The following WDR45B variants were observed in gnomAD, a reference collection of about 807,000 sequenced individuals.
WDR45B encodes WD repeat domain 45B.
WDR45B carries 20 observed loss-of-function variants against 44.6 expected under a neutral mutation model. The observed-to-expected ratio is 0.45, with a 90% confidence interval of 0.32 to 0.65. The LOEUF (loss-of-function observed/expected upper bound fraction) is 0.65, where lower values mean the gene tolerates loss of function less well. WDR45B is among the 30% of genes least tolerant of loss of function. The pLI, the probability that WDR45B is intolerant of heterozygous loss-of-function variation, is 0.05. For synonymous variants in WDR45B, 169 were observed against 164.9 expected, an observed-to-expected ratio of 1.02 and a Z score of -0.19; for missense variants, 323 against 430.2, an observed-to-expected ratio of 0.75 and a Z score of 2.20.
chr17:82,629,540 T>C, intron 3 of WDR45B: 1 of 985,514 alleles, frequency 1.0e-6, no homozygotes, highest in Non-Finnish European at 1.2e-6. Context: ...CCTTGTGAGA[T>C]TACAGAACCG....
chr17:82,630,887 T>G (rs12600791), intron 3 of WDR45B, 34 bp downstream of exon 3: 102,589 of 1,585,844 alleles, frequency 0.065, 3,827 homozygotes, highest in Middle Eastern at 0.16. Context: ...GTGGGACACG[T>G]GAGGCATGAT....
intron 2 of WDR45B, among the ~76,000 whole-genome samples, chr17:82,637,292 A>C (rs963129364): frequency 1.3e-5 from 2 of 152,014 alleles, no homozygotes; most frequent in African/African-American, 4.8e-5. Context: ...GTAGGACACA[A>C]AACAGGCTCC....
intron 4 of WDR45B, 163 bp downstream of exon 4, chr17:82,627,041 C>A: frequency 1.4e-6 from 1 of 718,560 alleles, no homozygotes; most frequent in South Asian, 1.5e-5. Flanking sequence ...GCCTTTCTTG[C>A]AGCAATATAA....
At chr17:82,630,890 G>A in intron 3 of WDR45B, 31 bp downstream of exon 3, 1 of 1,589,454 alleles carries the variant, frequency 6.3e-7, no homozygotes, top group Non-Finnish European at 8.6e-7. Flanking sequence ...GGACACGTGA[G>A]GCATGATTCT....
intron 2 of WDR45B, among the ~76,000 whole-genome samples, chr17:82,634,989 G>A (rs2045815092): frequency 6.6e-6 from 1 of 152,034 alleles, no homozygotes; most frequent in African/African-American, 2.4e-5. Context: ...CATGGAGACA[G>A]AAAAGTAGCA....
chr17:82,616,138 A>G (rs2045531294), intron 9 of WDR45B, 113 bp from the exon 10 acceptor site: 1 of 996,678 alleles, frequency 1.0e-6, no homozygotes, highest in African/African-American at 1.6e-5. Flanking sequence ...AGCTGCTCTG[A>G]AAGCCCTGAA....
rs567925615 is a variant in WDR45B, at chr17:82,636,665, G to A, written c.143-5643C>T. The A allele has an allele frequency of 6.2e-4, 94 of 152,110 alleles. 3 individuals are homozygous for A. The highest frequency in any genetic ancestry group is 2.1e-3 in the African/African-American group (88 of 41,384). 9.4% of individuals were successfully genotyped at this position (152,110 alleles called of 1,614,324 possible). ...AATGTAAGATACAATAAATCTTTCTGAGTTTCTCTTCAAAGGGTTTATTTA... is the reference window on the plus strand; with the variant it reads ...AATGTAAGATACAATAAATCTTTCTAAGTTTCTCTTCAAAGGGTTTATTTA... On this transcript the variant is annotated intron_variant, in intron 2 of 9. Transcript: ENST00000392325.
chr17:82,645,170 C>T (rs936554098), intron 1 of WDR45B, among the ~76,000 whole-genome samples: 1 of 151,886 alleles, frequency 6.6e-6, no homozygotes, highest in South Asian at 2.1e-4. Context: ...TGGTGGTGAG[C>T]GCCTGTAATC....
Position 82,629,522 on chromosome 17 carries a change from C to T in WDR45B, c.244+1399G>A, listed in dbSNP as rs190011746. 1.5e-4 allele frequency: 148 copies of T among 985,512 alleles called. 2 individuals carry two copies. In the African/African-American group the frequency reaches 2.5e-3, roughly 17 times the overall value. 61.0% of individuals were successfully genotyped at this position (985,512 alleles called of 1,614,324 possible). A position where few individuals can be genotyped will look rare whatever the true frequency, so the allele number is the denominator to read the frequency against. ...TCTCAACTCTGCTTTAAAGCTGGCA[C>T]AGACAAACCTTGTGAGATTACAGAA... is the stretch of plus-strand genomic sequence containing the variant. On this transcript the variant is annotated intron_variant, in intron 3 of 9. Transcript: ENST00000392325.
intron 5 of WDR45B, among the ~76,000 whole-genome samples, chr17:82,622,653 C>T (rs2045634464): frequency 6.6e-6 from 1 of 152,120 alleles, no homozygotes; most frequent in Non-Finnish European, 1.5e-5. Flanking sequence ...AGGATGGTCT[C>T]AATCTCCTGA....
At position 82,615,590 on chromosome 17, in the gene WDR45B, G is replaced by C. The variant is rs113693233; in HGVS notation, c.*329C>G. On this transcript the variant is annotated 3_prime_UTR_variant, in exon 10 of 10. Coordinates refer to ENST00000392325, the MANE Select transcript of WDR45B (RefSeq NM_019613.4). ...TGAACTCGTCCACCCTCTCAGCCCA[G>C]TCCCCAGGTCCGTATGGAGCCCCCG... 4.7e-5 allele frequency: 19 copies of C among 405,884 alleles called. 1 individual carries two copies. Among genetic ancestry groups the C allele is most frequent in the South Asian group, 4.5e-4 (19 of 42,434 alleles). The allele number at this position is 405,884 out of a possible 1,614,324, so 25.1% of individuals were successfully genotyped here. A position where few individuals can be genotyped will look rare whatever the true frequency, so the allele number is the denominator to read the frequency against.
chr17:82,648,130 G>A (rs578236169), intron 1 of WDR45B, 144 bp downstream of exon 1: 6 of 941,546 alleles, frequency 6.4e-6, no homozygotes, highest in South Asian at 1.9e-5. Context: ...GGGGCCGGGG[G>A]CTTCGGAGGG....
intron 6 of WDR45B, among the ~76,000 whole-genome samples, chr17:82,619,922 C>T (rs568763943): frequency 3.9e-4 from 59 of 152,220 alleles, no homozygotes; most frequent in African/African-American, 1.3e-3. Flanking sequence ...CTGGCTAACC[C>T]GGAGGGCACC....
At position 82,643,922 on chromosome 17, in the gene WDR45B, A is replaced by C. The variant is rs376476860; in HGVS notation, c.142+27T>G. The C allele has an allele frequency of 1.8e-4, 291 of 1,610,810 alleles. 1 individual carries two copies. In the African/African-American group the frequency reaches 3.5e-3, roughly 20 times the overall value. ...ACTCCGAGGGTTGGAAAGGGGAGAA[A>C]CCAGAAAATGTCCCGTTAATTCTTA... On this transcript the variant is annotated intron_variant, in intron 2 of 9. Transcript: ENST00000392325.
At chr17:82,627,049 T>G in intron 4 of WDR45B, 155 bp downstream of exon 4, 1 of 743,780 alleles carries the variant, frequency 1.3e-6, no homozygotes, top group Non-Finnish European at 2.4e-6. Flanking sequence ...TGCAGCAATA[T>G]AAATAATCCT....
intron 9 of WDR45B, 131 bp downstream of exon 9, chr17:82,616,393 T>C (rs2045535550): frequency 1.4e-6 from 2 of 1,430,048 alleles, no homozygotes; most frequent in South Asian, 2.3e-5. Flanking sequence ...ACAGGAGAAA[T>C]AAGGGGAACT....
chr17:82,625,588 A>G (rs1355252189), intron 4 of WDR45B, 105 bp from the exon 5 acceptor site: 11 of 1,145,048 alleles, frequency 9.6e-6, no homozygotes. Flanking sequence ...TGAAAATACC[A>G]CACAGAAAAG....
At chr17:82,644,111 C>A in intron 1 of WDR45B, 88 bp from the exon 2 acceptor site, 1 of 1,265,882 alleles carries the variant, frequency 7.9e-7, no homozygotes, top group South Asian at 1.2e-5. Context: ...CTACTGAGAA[C>A]TCTTGCAGAT....
intron 2 of WDR45B, among the ~76,000 whole-genome samples, chr17:82,643,425 C>A (rs978030374): frequency 6.6e-6 from 1 of 151,582 alleles, no homozygotes; most frequent in South Asian, 2.1e-4. Context: ...AGAGCAAGAT[C>A]CCGTCTCGGA....
Sources: allele counts gnomAD v4.1 joint callset (sites outside exome capture counted in the v4.1 genomes callset), GRCh38; gene constraint gnomAD v4.1.1; transcripts MANE v1.5; gene names NCBI Gene and HGNC (gene_info 2026-07-23, HGNC 2026-07-21).